The following RNF169 variants were observed in gnomAD, a reference collection of about 807,000 sequenced individuals.
RNF169 encodes E3 ubiquitin-protein ligase RNF169.
Under a neutral mutation model 53.9 loss-of-function variants are expected in RNF169, and 24 were observed. The observed-to-expected ratio is 0.45, with a 90% CI of 0.32 to 0.63. RNF169 has a LOEUF of 0.63. Among genes scored for constraint, RNF169 ranks in the 20% least tolerant of loss-of-function variants. RNF169 has a pLI of 0.04. For missense variants in RNF169, 883 were observed against 906.2 expected, an observed-to-expected ratio of 0.97 and a Z score of 0.33; for synonymous variants, 396 against 363.5, an observed-to-expected ratio of 1.09 and a Z score of -1.02.
chr11:74,833,757 C>G (rs986921704), intron 4 of RNF169, among the ~76,000 whole-genome samples: 1 of 152,068 alleles, frequency 6.6e-6, no homozygotes, highest in African/African-American at 2.4e-5. Flanking sequence ...AATGGGGAAA[C>G]AAAGGCGAGT....
chr11:74,819,640 G>C (rs949736221), intron 4 of RNF169, among the ~76,000 whole-genome samples: 1 of 152,206 alleles, frequency 6.6e-6, no homozygotes, highest in African/African-American at 2.4e-5. Context: ...ACATGCAGCA[G>C]AGGGCCTCTA....
intron 1 of RNF169, among the ~76,000 whole-genome samples, chr11:74,768,963 T>C (rs898816324): frequency 1.3e-5 from 2 of 151,042 alleles, no homozygotes; most frequent in South Asian, 4.2e-4. Flanking sequence ...GGAAGAATAC[T>C]TTGAGTCCAG....
intron 2 of RNF169, among the ~76,000 whole-genome samples, chr11:74,798,893 T>A (rs933023528): frequency 4.6e-5 from 7 of 151,956 alleles, no homozygotes; most frequent in African/African-American, 1.2e-4. Flanking sequence ...CTACAAAAAA[T>A]TTTTTAAAAA....
chr11:74,768,345 G>A (rs893029476), intron 1 of RNF169, among the ~76,000 whole-genome samples: 1 of 152,150 alleles, frequency 6.6e-6, no homozygotes, highest in East Asian at 1.9e-4. Flanking sequence ...GGTGGCTCAC[G>A]CCTGTAATCC....
intron 1 of RNF169, among the ~76,000 whole-genome samples, chr11:74,757,021 A>G (rs1168104802): frequency 1.0e-5 from 1 of 97,838 alleles, no homozygotes; most frequent in East Asian, 2.8e-4. Context: ...TTATACTTTA[A>G]GTTTTAGGGT....
intron 3 of RNF169, among the ~76,000 whole-genome samples, chr11:74,811,075 A>G (rs761327645): frequency 9.2e-4 from 140 of 152,182 alleles, no homozygotes; most frequent in Non-Finnish European, 1.7e-3. Flanking sequence ...CTTTCTGGTC[A>G]GCTGGAATCG....
chr11:74,806,120 A>T (rs1476898043), intron 2 of RNF169, among the ~76,000 whole-genome samples: 3 of 152,232 alleles, frequency 2.0e-5, no homozygotes, highest in Non-Finnish European at 4.4e-5. Context: ...CAAAAAATAT[A>T]AAGAACTCTT....
chr11:74,818,199 A>C (rs1391882923), intron 4 of RNF169, among the ~76,000 whole-genome samples: 1 of 152,136 alleles, frequency 6.6e-6, no homozygotes, highest in Non-Finnish European at 1.5e-5. Flanking sequence ...GGAAGAGGGA[A>C]TTGGATAGAT....
intron 3 of RNF169, among the ~76,000 whole-genome samples, chr11:74,817,276 T>C (rs76865038): frequency 0.012 from 1,769 of 152,216 alleles, 48 homozygotes; most frequent in African/African-American, 0.04. Context: ...GTAAATGAAA[T>C]AAAATATTTA....
intron 1 of RNF169, among the ~76,000 whole-genome samples, 199 bp from the exon 2 acceptor site, chr11:74,789,427 T>G (rs1359011359): frequency 1.3e-5 from 2 of 152,198 alleles, no homozygotes. Context: ...AAATATACAT[T>G]GAGGGTATAA....
chr11:74,840,035 C>T lies in RNF169; in HGVS notation c.*3305C>T, dbSNP rs1010931882. The stretch of plus-strand genomic sequence containing the variant: ...TTCATTTTCCCTAAAGGAAAAATGT[C>T]CTTAAGAGATTAAAGCTCTTAATTG... On this transcript the variant is annotated 3_prime_UTR_variant, in exon 6 of 6. Coordinates refer to ENST00000299563, the MANE Select transcript of RNF169 (RefSeq NM_001098638.2). The T allele has an allele frequency of 2.6e-5, 4 of 152,078 alleles. No individual in the cohort carries two copies. The highest frequency in any genetic ancestry group is 4.4e-5 in the Non-Finnish European group (3 of 68,016). 9.4% of individuals were successfully genotyped at this position (152,078 alleles called of 1,614,324 possible). A position where few individuals can be genotyped will look rare whatever the true frequency, so the allele number is the denominator to read the frequency against.
chr11:74,840,837 A>G lies in RNF169; in HGVS notation c.*4107A>G, dbSNP rs537834076. The stretch of plus-strand genomic sequence containing the variant: ...AAACGAACTTGTGATCCAGTGCCCT[A>G]TTTTATAGTGTGGTTTTCCAGGGTC... On this transcript the variant is annotated 3_prime_UTR_variant, in exon 6 of 6. Transcript: ENST00000299563. 1.8e-5 allele frequency: 2 copies of G among 110,622 alleles called. No individual in the cohort carries two copies. The highest frequency in any genetic ancestry group is 2.6e-4 in the East Asian group (1 of 3,866). 6.9% of individuals were successfully genotyped at this position (110,622 alleles called of 1,614,324 possible).
chr11:74,824,294 A>C (rs1005813054), intron 4 of RNF169, among the ~76,000 whole-genome samples: 1 of 152,220 alleles, frequency 6.6e-6, no homozygotes, highest in African/African-American at 2.4e-5. Flanking sequence ...AGCTAATTTG[A>C]ATATAGGTCA....
chr11:74,794,952 A>G (rs751091417), intron 2 of RNF169, among the ~76,000 whole-genome samples: 19 of 152,050 alleles, frequency 1.2e-4, no homozygotes, highest in Non-Finnish European at 2.1e-4. Flanking sequence ...GGAGCACACC[A>G]CCATGACTGG....
At chr11:74,753,914 C>T (rs1261619189) in intron 1 of RNF169, among the ~76,000 whole-genome samples, 2 of 152,122 alleles carry the variant, frequency 1.3e-5, no homozygotes, top group Non-Finnish European at 2.9e-5. Context: ...TTCTTTTATG[C>T]ATTCACGGTT....
intron 1 of RNF169, among the ~76,000 whole-genome samples, chr11:74,766,389 G>A (rs1161584474): frequency 1.3e-5 from 2 of 152,184 alleles, no homozygotes; most frequent in African/African-American, 4.8e-5. Context: ...GATACAATCA[G>A]TTTAAGTGTA....
intron 1 of RNF169, among the ~76,000 whole-genome samples, chr11:74,750,997 A>G (rs544074029): frequency 3.1e-4 from 45 of 145,540 alleles, no homozygotes; most frequent in African/African-American, 1.1e-3. Flanking sequence ...GCCTCCGCCC[A>G]GTAGCTGGGA....
At chr11:74,787,184 G>A (rs200670015) in intron 1 of RNF169, among the ~76,000 whole-genome samples, 22 of 151,990 alleles carry the variant, frequency 1.4e-4, no homozygotes, top group Non-Finnish European at 2.6e-4. Context: ...AAAAAACGCA[G>A]AAGCCATAAA....
chr11:74,751,728 T>C (rs1238213708), intron 1 of RNF169, among the ~76,000 whole-genome samples: 1 of 152,216 alleles, frequency 6.6e-6, no homozygotes, highest in African/African-American at 2.4e-5. Flanking sequence ...AATGTTCTTG[T>C]TGTTGGATTG....
Sources: allele counts gnomAD v4.1 joint callset (sites outside exome capture counted in the v4.1 genomes callset), GRCh38; gene constraint gnomAD v4.1.1; transcripts MANE v1.5; gene names NCBI Gene and HGNC (gene_info 2026-07-23, HGNC 2026-07-21).